THSD7B: variants seen among roughly 807,000 people sequenced by gnomAD.
THSD7B encodes the protein thrombospondin type-1 domain-containing protein 7B.
In THSD7B, 138 loss-of-function variants were observed where a neutral mutation model predicts 213.6. The ratio of observed to expected loss-of-function variants is 0.65; its 90% CI spans 0.56 to 0.74. The LOEUF (loss-of-function observed/expected upper bound fraction) is 0.74. Among genes scored for constraint, THSD7B ranks in the 30% least tolerant of loss-of-function variants. The probability of loss-of-function intolerance (pLI) is 0.00; values close to 1 mark genes in which losing one functional copy is unlikely to be tolerated. For missense variants in THSD7B, 1,931 were observed against 1,991.5 expected (o/e 0.97, Z 0.58); for synonymous variants, 742 against 687.0 (o/e 1.08, Z -1.25).
rs371335757 is a variant in THSD7B at position 136,936,268 on chromosome 2, C to A, written c.139+53951C>A. On this transcript the variant is annotated intron_variant, in intron 2 of 27. Transcript: ENST00000409968. ...ACTATGGAAAACGGTGTGGAGATTCCTTAAAGAACTAAAAGTAGAACTACC... is the reference window on the plus strand; with the variant it reads ...ACTATGGAAAACGGTGTGGAGATTCATTAAAGAACTAAAAGTAGAACTACC... 5.9e-5 allele frequency among the ~76,000 whole-genome samples: 9 copies of A among 152,118 alleles called. No individual in the cohort carries two copies. The East Asian group carries it at 1.7e-3, about 29-fold the overall frequency.
chr2:137,420,145 G>A (rs1686892376), intron 14 of THSD7B, among the ~76,000 whole-genome samples: 3 of 151,978 alleles, frequency 2.0e-5, no homozygotes, highest in Admixed American at 2.0e-4. Flanking sequence ...CATTTTTACT[G>A]GAGTGAGATG....
intron 7 of THSD7B, among the ~76,000 whole-genome samples, chr2:137,217,830 T>C (rs185636053): frequency 6.6e-6 from 1 of 152,240 alleles, no homozygotes; most frequent in African/African-American, 2.4e-5. Flanking sequence ...TACATCATTT[T>C]CTTTGGCCAA....
chr2:137,310,887 A>G (rs1407075870), intron 12 of THSD7B, among the ~76,000 whole-genome samples: 1 of 152,074 alleles, frequency 6.6e-6, no homozygotes, highest in Non-Finnish European at 1.5e-5. Context: ...TACCAGTACC[A>G]TGCTGTTTTG....
chr2:137,496,476 T>C (rs1344378609), intron 15 of THSD7B, among the ~76,000 whole-genome samples: 2 of 152,206 alleles, frequency 1.3e-5, no homozygotes, highest in Non-Finnish European at 2.9e-5. Context: ...TCCTTTTTGT[T>C]TTGTGTGCAT....
At chr2:137,320,096 A>C (rs755237771) in intron 12 of THSD7B, among the ~76,000 whole-genome samples, 1 of 152,216 alleles carries the variant, frequency 6.6e-6, no homozygotes, top group Non-Finnish European at 1.5e-5. Flanking sequence ...AGAGAAAATA[A>C]AACTGCCAGA....
At position 137,056,660 on chromosome 2, in the gene THSD7B, G is replaced by A. The variant is rs754916507; in HGVS notation, c.380G>A (p.Arg127Gln). 9 of 1,613,820 alleles carry A rather than the reference G, an allele frequency of 5.6e-6. No individual in the cohort carries two copies. Among genetic ancestry groups the A allele is most frequent in the African/African-American group, 4.0e-5 (3 of 74,890 alleles). Residue 127 changes from arginine to glutamine, a missense_variant, in exon 3 of 28, where the codon CGG becomes CAG. By Grantham distance (43) the Arg-to-Gln change is conservative. Transcript: ENST00000409968. Reference protein sequence around the residue: ...VPYARGEVKPRTAECVTAQHG... With the variant: ...VPYARGEVKPQTAECVTAQHG... Reference sequence around the variant, plus strand: ...TACGCTCGCGGTGAAGTCAAGCCTCGGACTGCAGAGTGTGTGACGGCTCAG... The same window carrying A: ...TACGCTCGCGGTGAAGTCAAGCCTCAGACTGCAGAGTGTGTGACGGCTCAG...
rs1021407364 is a variant in THSD7B at position 137,676,619 on chromosome 2, T to A, written c.*14T>A. The A allele has an allele frequency of 6.4e-7, 1 of 1,552,852 alleles. No homozygotes were observed. The highest frequency in any genetic ancestry group is 2.2e-5 in the Admixed American group (1 of 45,904). ...TTAGACATGTAATCTGAAAAAGAAATCCAAATGTAGACATCAACTGCCTTA... is the reference window on the plus strand; with the variant it reads ...TTAGACATGTAATCTGAAAAAGAAAACCAAATGTAGACATCAACTGCCTTA... On this transcript the variant is annotated 3_prime_UTR_variant, in exon 28 of 28. Coordinates refer to ENST00000409968, the MANE Select transcript of THSD7B (RefSeq NM_001316349.2).
At chr2:137,130,205 T>C (rs1688703636) in intron 5 of THSD7B, among the ~76,000 whole-genome samples, 1 of 152,130 alleles carries the variant, frequency 6.6e-6, no homozygotes, top group Non-Finnish European at 1.5e-5. Flanking sequence ...GAGGTGGATT[T>C]AAAAGGCCTA....
At chr2:137,592,094 T>C (rs1681876419) in intron 17 of THSD7B, among the ~76,000 whole-genome samples, 1 of 151,798 alleles carries the variant, frequency 6.6e-6, no homozygotes, top group Non-Finnish European at 1.5e-5. Context: ...TTTTCAGTAG[T>C]TTCATGGACT....
intron 7 of THSD7B, among the ~76,000 whole-genome samples, chr2:137,207,889 C>T (rs11693675): frequency 0.19 from 28,275 of 152,004 alleles, 3,201 homozygotes; most frequent in South Asian, 0.4. Context: ...TTCCTGCCCG[C>T]TGCACAGACA....
chr2:136,923,446 C>T lies in THSD7B; in HGVS notation c.139+41129C>T, dbSNP rs113173210. On this transcript the variant is annotated intron_variant, in intron 2 of 27. Transcript: ENST00000409968. ...ATACCTTTTCAAGATCCTTTTTCTT[C>T]AATTCTTGTGGATATATTTCCAGAA... is the stretch of plus-strand genomic sequence containing the variant. 6.8e-3 allele frequency among the ~76,000 whole-genome samples: 1,036 copies of T among 152,160 alleles called. 12 individuals carry two copies. Among genetic ancestry groups the T allele is most frequent in the African/African-American group, 0.023 (965 of 41,506 alleles).
At chr2:137,020,937 G>C (rs1686432874) in intron 2 of THSD7B, among the ~76,000 whole-genome samples, 1 of 152,162 alleles carries the variant, frequency 6.6e-6, no homozygotes, top group African/African-American at 2.4e-5. Context: ...GGAAGTGTAT[G>C]TCTTATCCAG....
At chr2:136,863,801 T>A (rs1037600792) in intron 1 of THSD7B, among the ~76,000 whole-genome samples, 1 of 152,192 alleles carries the variant, frequency 6.6e-6, no homozygotes, top group Non-Finnish European at 1.5e-5. Flanking sequence ...CAAAAACAAA[T>A]CAAACTGATA....
chr2:137,044,778 A>G (rs964326046), intron 2 of THSD7B, among the ~76,000 whole-genome samples: 2 of 152,176 alleles, frequency 1.3e-5, no homozygotes, highest in Admixed American at 1.3e-4. Context: ...ACAAGGATAA[A>G]ATGACTGTGC....
At chr2:137,087,861 A>T (rs1455684266) in intron 3 of THSD7B, among the ~76,000 whole-genome samples, 1 of 152,226 alleles carries the variant, frequency 6.6e-6, no homozygotes, top group East Asian at 1.9e-4. Flanking sequence ...CTAAGCAAAA[A>T]GGACAAATCT....
intron 12 of THSD7B, among the ~76,000 whole-genome samples, chr2:137,300,756 G>T (rs1683579253): frequency 6.6e-6 from 1 of 152,168 alleles, no homozygotes; most frequent in Non-Finnish European, 1.5e-5. Flanking sequence ...TTGTGCTCAT[G>T]AATAGATGAG....
At chr2:137,156,935 G>C (rs1490562967) in intron 5 of THSD7B, among the ~76,000 whole-genome samples, 1 of 152,164 alleles carries the variant, frequency 6.6e-6, no homozygotes, top group African/African-American at 2.4e-5. Context: ...AGTAATGAGA[G>C]AGATAGTCAT....
chr2:136,986,425 A>G (rs1165787702), intron 2 of THSD7B, among the ~76,000 whole-genome samples: 1 of 152,114 alleles, frequency 6.6e-6, no homozygotes, highest in East Asian at 1.9e-4. Flanking sequence ...CCATATGACC[A>G]TCCATTCTCC....
chr2:137,021,883 T>C (rs1270468868), intron 2 of THSD7B, among the ~76,000 whole-genome samples: 3 of 152,202 alleles, frequency 2.0e-5, no homozygotes, highest in African/African-American at 7.2e-5. Flanking sequence ...ATGGACACTT[T>C]CTTGGTACTG....
Sources: allele counts gnomAD v4.1 joint callset (sites outside exome capture counted in the v4.1 genomes callset), GRCh38; gene constraint gnomAD v4.1.1; transcripts MANE v1.5; gene names NCBI Gene and HGNC (gene_info 2026-07-23, HGNC 2026-07-21).